Variants in TMEM217B observed in about 807,000 individuals in gnomAD.
The protein encoded by TMEM217B is transmembrane protein 217B.
At chr6:37,229,347 T>TTGTTTG in the TMEM217B span, among the ~76,000 whole-genome samples, 2 of 131,136 alleles carry the variant, frequency 1.5e-5, no homozygotes, top group African/African-American at 3.0e-5. Context: ...TTTTTTTTTT[T>TTGTTTG]TTTTTTTTTT....
chr6:37,221,484 G>C, the TMEM217B span, among the ~76,000 whole-genome samples: 1 of 152,112 alleles, frequency 6.6e-6, no homozygotes, highest in Admixed American at 6.5e-5. Flanking sequence ...ACCCCACCTG[G>C]CCATGTAAGT....
chr6:37,252,501 T>C, the TMEM217B span, among the ~76,000 whole-genome samples: 16 of 151,724 alleles, frequency 1.1e-4, no homozygotes, highest in Admixed American at 5.9e-4. Context: ...CATGTATGCA[T>C]ATATATATGC....
the TMEM217B span, among the ~76,000 whole-genome samples, chr6:37,227,957 GA>G: frequency 2.0e-5 from 3 of 151,822 alleles, no homozygotes; most frequent in African/African-American, 4.8e-5. Flanking sequence ...TAGGAACACA[GA>G]AAAAAAAGTT....
chr6:37,219,627 G>A, the TMEM217B span, among the ~76,000 whole-genome samples: 1 of 152,052 alleles, frequency 6.6e-6, no homozygotes, highest in Non-Finnish European at 1.5e-5. Context: ...AGCTACTTAG[G>A]AGGCTGAAGT....
At chr6:37,240,345 C>T in the TMEM217B span, among the ~76,000 whole-genome samples, 1 of 152,192 alleles carries the variant, frequency 6.6e-6, no homozygotes, top group South Asian at 2.1e-4. Context: ...AAGTTTCATC[C>T]AAGCTCGCTC....
the TMEM217B span, among the ~76,000 whole-genome samples, chr6:37,244,248 G>C: frequency 2.0e-5 from 3 of 152,372 alleles, no homozygotes; most frequent in South Asian, 6.2e-4. Context: ...GAATGAACAA[G>C]GAGAATCTGG....
chr6:37,224,154 G>C, the TMEM217B span, among the ~76,000 whole-genome samples: 1 of 149,672 alleles, frequency 6.7e-6, no homozygotes. Context: ...GGCCAGGCTG[G>C]TCTTGAACTC....
the TMEM217B span, among the ~76,000 whole-genome samples, chr6:37,229,121 G>A: frequency 1.3e-5 from 2 of 152,078 alleles, no homozygotes; most frequent in African/African-American, 4.8e-5. Flanking sequence ...GTAATTGTGT[G>A]TATTTATTTC....
chr6:37,252,249 C>T, the TMEM217B span, among the ~76,000 whole-genome samples: 1 of 152,158 alleles, frequency 6.6e-6, no homozygotes, highest in East Asian at 1.9e-4. Flanking sequence ...TATTCCATGA[C>T]ATGTAACATA....
chr6:37,229,346 T>G, the TMEM217B span, among the ~76,000 whole-genome samples: 2 of 128,202 alleles, frequency 1.6e-5, no homozygotes, highest in South Asian at 2.8e-4. Context: ...TTTTTTTTTT[T>G]TTTTTTTTTT....
the TMEM217B span, among the ~76,000 whole-genome samples, chr6:37,235,032 TA>T: frequency 3.9e-5 from 6 of 152,218 alleles, no homozygotes; most frequent in African/African-American, 1.4e-4. Context: ...TGTGGCTTTT[TA>T]AAAAACACAG....
At chr6:37,236,662 A>ATT in the TMEM217B span, among the ~76,000 whole-genome samples, 1,846 of 149,816 alleles carry the variant, frequency 0.012, 17 homozygotes, top group African/African-American at 0.024. Context: ...TGCCAGTACT[A>ATT]TTTTTTTTTT....
chr6:37,226,185 T>A, the TMEM217B span, among the ~76,000 whole-genome samples: 23 of 152,120 alleles, frequency 1.5e-4, no homozygotes, highest in Non-Finnish European at 1.5e-5. Context: ...TATGCTTATT[T>A]ACCATCTCCT....
At chr6:37,236,367 C>A in the TMEM217B span, among the ~76,000 whole-genome samples, 1 of 152,104 alleles carries the variant, frequency 6.6e-6, no homozygotes, top group Non-Finnish European at 1.5e-5. Flanking sequence ...CAGTTTAACC[C>A]TTTCTGAGTG....
the TMEM217B span, among the ~76,000 whole-genome samples, chr6:37,214,763 C>A: frequency 6.6e-6 from 1 of 152,178 alleles, no homozygotes; most frequent in Non-Finnish European, 1.5e-5. Flanking sequence ...ACTTTATTCT[C>A]CACCATCCTC....
the TMEM217B span, chr6:37,212,893 A>C: frequency 5.0e-5 from 77 of 1,529,410 alleles, 1 homozygote; most frequent in Non-Finnish European, 2.7e-6. Context: ...CTTCTGGTTC[A>C]GGTCAAAGAT....
the TMEM217B span, among the ~76,000 whole-genome samples, chr6:37,233,930 G>A: frequency 1.3e-5 from 2 of 152,050 alleles, no homozygotes. Flanking sequence ...TTCACTTTCA[G>A]TATAGTAATG....
the TMEM217B span, among the ~76,000 whole-genome samples, chr6:37,223,847 C>T: frequency 6.6e-6 from 1 of 151,564 alleles, no homozygotes; most frequent in Admixed American, 6.6e-5. Flanking sequence ...GAGATGGAGT[C>T]TTGCTGTGTT....
the TMEM217B span, among the ~76,000 whole-genome samples, chr6:37,222,331 C>A: frequency 4.6e-5 from 7 of 152,342 alleles, no homozygotes; most frequent in East Asian, 1.4e-3. Context: ...CCCCCCAGGG[C>A]TCGACCCCAA....
Sources: gnomAD v4.1 joint callset for allele counts (sites outside exome capture counted in the v4.1 genomes callset) on GRCh38, gnomAD v4.1.1 for gene constraint, MANE v1.5 for transcripts, NCBI Gene and HGNC (gene_info 2026-07-23, HGNC 2026-07-21) for gene names.